TOP2B: variants seen among roughly 807,000 people sequenced by gnomAD.
TOP2B encodes DNA topoisomerase 2-beta.
In TOP2B, 51 loss-of-function variants were observed where a neutral mutation model predicts 193.5. The ratio of observed to expected loss-of-function variants is 0.26; its 90% CI spans 0.21 to 0.33. The LOEUF (loss-of-function observed/expected upper bound fraction) is 0.33, where lower values mean the gene tolerates loss of function less well. Among genes scored for constraint, TOP2B ranks in the 10% least tolerant of loss-of-function variants. The pLI is 1.00. For missense variants in TOP2B, 1,378 were observed against 1,909.3 expected (o/e 0.72, Z 5.19); for synonymous variants, 634 against 635.7 (o/e 1.00, Z 0.04).
chr3:25,661,736 T>C (rs1170296209), intron 1 of TOP2B, among the ~76,000 whole-genome samples: 1 of 152,198 alleles, frequency 6.6e-6, no homozygotes, highest in Admixed American at 6.5e-5. Context: ...TTAATGCCAG[T>C]CCTAAAACCA....
intron 18 of TOP2B, among the ~76,000 whole-genome samples, chr3:25,626,143 T>C (rs1702796214): frequency 6.6e-6 from 1 of 152,134 alleles, no homozygotes; most frequent in Non-Finnish European, 1.5e-5. Flanking sequence ...AAATTAGAAA[T>C]AGTTCCTAAA....
At chr3:25,626,948 C>T (rs1228973250) in intron 16 of TOP2B, 84 bp from the exon 17 acceptor site, 1 of 828,338 alleles carries the variant, frequency 1.2e-6, no homozygotes, top group Non-Finnish European at 1.9e-6. Flanking sequence ...TGGCCAATAA[C>T]TAATTCTTAA....
At chr3:25,637,361 G>T (rs1331874709) in intron 5 of TOP2B, 49 bp from the exon 6 acceptor site, 1 of 1,405,270 alleles carries the variant, frequency 7.1e-7, no homozygotes, top group East Asian at 2.5e-5. Context: ...GATTTTAAAG[G>T]AACTTCGTTA....
At chr3:25,645,200 C>A in intron 2 of TOP2B, 100 bp downstream of exon 2, 3 of 1,138,994 alleles carry the variant, frequency 2.6e-6, no homozygotes, top group Non-Finnish European at 3.7e-6. Context: ...GATGAAATTA[C>A]AAATTTCCAA....
intron 10 of TOP2B, among the ~76,000 whole-genome samples, chr3:25,631,528 C>T (rs1256206105): frequency 7.2e-5 from 11 of 152,010 alleles, no homozygotes; most frequent in Non-Finnish European, 1.6e-4. Flanking sequence ...TAAGCATCTC[C>T]AACTCTAAGT....
intron 1 of TOP2B, among the ~76,000 whole-genome samples, chr3:25,661,910 C>T (rs1202960636): frequency 6.6e-6 from 1 of 152,176 alleles, no homozygotes; most frequent in Non-Finnish European, 1.5e-5. Context: ...TTATTTCTTT[C>T]TGTTACCACA....
At position 25,627,314 on chromosome 3, in the gene TOP2B, T is replaced by A; in HGVS notation, c.1907-18A>T. 6.7e-7 allele frequency: 1 copy of A among 1,486,790 alleles called. No homozygotes were observed. The highest frequency in any genetic ancestry group is 1.3e-5 in the South Asian group (1 of 79,456). The allele number at this position is 1,486,790 out of a possible 1,614,324, so 92.1% of individuals were successfully genotyped here. ...ACCCAATCCTGCACAATTTTAAAAATAAAAGTGAGTCATGAATATCAATGT... is the reference window on the plus strand; with the variant it reads ...ACCCAATCCTGCACAATTTTAAAAAAAAAAGTGAGTCATGAATATCAATGT... On this transcript the variant is annotated intron_variant, in intron 15 of 35. Transcript: ENST00000264331.
intron 25 of TOP2B, among the ~76,000 whole-genome samples, chr3:25,616,896 T>A (rs553930564): frequency 7.9e-5 from 12 of 151,866 alleles, no homozygotes; most frequent in East Asian, 3.9e-4. Flanking sequence ...AAAAAAAAAA[T>A]AAACTTTGCA....
At chr3:25,660,183 C>T (rs899464225) in intron 1 of TOP2B, among the ~76,000 whole-genome samples, 2 of 152,124 alleles carry the variant, frequency 1.3e-5, no homozygotes, top group African/African-American at 4.8e-5. Context: ...ATCTAAAAAA[C>T]ACTGCTACTT....
At chr3:25,607,805 G>C (rs956451267) in intron 30 of TOP2B, among the ~76,000 whole-genome samples, 1 of 152,084 alleles carries the variant, frequency 6.6e-6, no homozygotes, top group Non-Finnish European at 1.5e-5. Flanking sequence ...TTTTGACACA[G>C]AGTCTTGTTC....
In TOP2B at chr3:25,602,726, AC is replaced by A. The variant is rs927295280; in HGVS notation, c.4490-1502del. On this transcript the variant is annotated intron_variant, in intron 33 of 35. Coordinates refer to ENST00000264331, the MANE Select transcript of TOP2B (RefSeq NM_001330700.2). ...AACTTAGCCAGGTGTTCTAGGAACC[AC>A]TTTTTTTCCTTGGCTTGGAGTTACA... Among the ~76,000 whole-genome samples the A allele has an allele frequency of 5.3e-5, 8 of 152,146 alleles. 1 individual carries two copies. Among genetic ancestry groups the A allele is most frequent in the Admixed American group, 3.3e-4 (5 of 15,266 alleles).
intron 21 of TOP2B, among the ~76,000 whole-genome samples, chr3:25,622,267 A>G (rs952742457): frequency 1.3e-5 from 2 of 152,182 alleles, no homozygotes; most frequent in African/African-American, 4.8e-5. Context: ...ATCCAAAACC[A>G]TTTCAGTAAA....
In TOP2B at chr3:25,619,909, G is replaced by A; in HGVS notation, c.3016C>T (p.Leu1006=). Residue 1006 remains leucine, a synonymous_variant, in exon 23 of 36, where the codon CTG becomes TTG. Transcript: ENST00000264331. ...EKLAQAEAAG[L]HKVFKLQTTL... ...GTTTGAAGTTTAAAAACTTTATGCAGTCCAGCAGCTTCTGCTTGTGCTAGT... is the reference window on the plus strand; with the variant it reads ...GTTTGAAGTTTAAAAACTTTATGCAATCCAGCAGCTTCTGCTTGTGCTAGT... 6.2e-7 allele frequency: 1 copy of A among 1,613,250 alleles called. No individual in the cohort carries two copies. Among genetic ancestry groups the A allele is most frequent in the Non-Finnish European group, 8.5e-7 (1 of 1,179,650 alleles).
intron 7 of TOP2B, 77 bp downstream of exon 7, chr3:25,635,859 G>A (rs1703091965): frequency 1.7e-6 from 2 of 1,210,240 alleles, no homozygotes; most frequent in Non-Finnish European, 2.3e-6. Context: ...TACCAGATGA[G>A]CTTTAAAAAA....
At position 25,646,753 on chromosome 3, in the gene TOP2B, A is replaced by G. The variant is rs369542135; in HGVS notation, c.70-1283T>C. Among the ~76,000 whole-genome samples the G allele has an allele frequency of 3.9e-5, 6 of 152,310 alleles. No individual in the cohort carries two copies. The East Asian group carries it at 7.7e-4, about 20-fold the overall frequency. On this transcript the variant is annotated intron_variant, in intron 1 of 35. Transcript: ENST00000264331. Reference sequence around the variant, plus strand: ...ATTTCAATTCCGCTTTAAAGTTTTTATTTTTAAAAACTGTATCATTAAGTA... The same window carrying G: ...ATTTCAATTCCGCTTTAAAGTTTTTGTTTTTAAAAACTGTATCATTAAGTA...
At chr3:25,645,927 T>C (rs1449960891) in intron 1 of TOP2B, among the ~76,000 whole-genome samples, 1 of 63,222 alleles carries the variant, frequency 1.6e-5, no homozygotes, top group East Asian at 4.4e-4. Flanking sequence ...GCCCAGGTAA[T>C]TTTTTTTTTT....
At chr3:25,644,762 T>C (rs1703366514) in intron 2 of TOP2B, among the ~76,000 whole-genome samples, 1 of 151,900 alleles carries the variant, frequency 6.6e-6, no homozygotes, top group Non-Finnish European at 1.5e-5. Flanking sequence ...AAAGTTCGTA[T>C]GGCACCATTT....
chr3:25,644,701 G>T lies in TOP2B; in HGVS notation c.240+599C>A, dbSNP rs900360434. ...GGGCGACAGAGCGAGACACGGGGTG[G>T]GGGGGCATCAGGGGGTGATGGGAGA... On this transcript the variant is annotated intron_variant, in intron 2 of 35. Coordinates refer to ENST00000264331, the MANE Select transcript of TOP2B (RefSeq NM_001330700.2). 3.8e-4 allele frequency among the ~76,000 whole-genome samples: 57 copies of T among 151,544 alleles called. 2 individuals are homozygous for T. Among genetic ancestry groups the T allele is most frequent in the South Asian group, 2.1e-4 (1 of 4,774 alleles).
At position 25,623,402 on chromosome 3, in the gene TOP2B, C is replaced by T. The variant is rs185370451; in HGVS notation, c.2727+113G>A. The stretch of plus-strand genomic sequence containing the variant: ...AAATTATACCCTAATTAGGTCTTTA[C>T]GGTCTACAATATGTTCTAAAATAAA... On this transcript the variant is annotated intron_variant, in intron 21 of 35. Transcript: ENST00000264331. The T allele has an allele frequency of 2.5e-4, 241 of 945,192 alleles. 1 individual carries two copies. In the African/African-American group the frequency reaches 3.5e-3, roughly 14 times the overall value. The allele number at this position is 945,192 out of a possible 1,614,324, so 58.6% of individuals were successfully genotyped here.
Sources: gnomAD v4.1 joint callset for allele counts (sites outside exome capture counted in the v4.1 genomes callset) on GRCh38, gnomAD v4.1.1 for gene constraint, MANE v1.5 for transcripts, NCBI Gene and HGNC (gene_info 2026-07-23, HGNC 2026-07-21) for gene names.